Variants in RABEP2 observed in about 807,000 individuals in gnomAD.
RABEP2 encodes the protein rab GTPase-binding effector protein 2.
Under a neutral mutation model 74.1 loss-of-function variants are expected in RABEP2, and 57 were observed. That is an observed-to-expected ratio of 0.77 (90% CI 0.62 to 0.96). The LOEUF (loss-of-function observed/expected upper bound fraction) is 0.96, where lower values mean the gene tolerates loss of function less well. Ranked by LOEUF, RABEP2 falls within the 40% of genes least tolerant of loss-of-function variation. The pLI is 0.00. For missense variants in RABEP2, 692 were observed against 756.3 expected (o/e 0.91, Z 1.00); for synonymous variants, 351 against 344.0 (o/e 1.02, Z -0.23).
chr16:28,905,285 A>T, intron 12 of RABEP2, 112 bp downstream of exon 12: 2 of 802,474 alleles, frequency 2.5e-6, no homozygotes, highest in Non-Finnish European at 4.1e-6. Flanking sequence ...GGACCATGCC[A>T]GCCCCAGGAG....
chr16:28,922,687 T>C (rs1964482483), intron 2 of RABEP2, among the ~76,000 whole-genome samples: 1 of 151,776 alleles, frequency 6.6e-6, no homozygotes, highest in East Asian at 1.9e-4. Context: ...ATCACACCAC[T>C]GTACTCCAGC....
At position 28,905,003 on chromosome 16, in the gene RABEP2, T is replaced by C. The variant is rs1261165270; in HGVS notation, c.1650A>G (p.Gln550=). Residue 550 remains glutamine, a synonymous_variant, in exon 13 of 13, where the codon CAA becomes CAG. Coordinates refer to ENST00000358201, the MANE Select transcript of RABEP2 (RefSeq NM_024816.3). ...GCGCCTCATCCATGATGCTGCGCAC[T>C]TGCTCCAGGGTCTCAGCCTGGCGGA... ...ERIRQAETLE[Q]VRSIMDEAPL... The C allele has an allele frequency of 1.9e-6, 3 of 1,611,750 alleles. No individual in the cohort carries two copies. Among genetic ancestry groups the C allele is most frequent in the East Asian group, 2.2e-5 (1 of 44,880 alleles).
rs1342468784 is a variant in RABEP2, at chr16:28,925,147, G to A, written c.17C>T (p.Pro6Leu). MAAAA[P>L]VAADDDERRR... ...CCGCTCATCGTCGTCCGCGGCCACC[G>A]GCGCAGCTGCCGCCATTGCCTCAGC... Residue 6 changes from proline to leucine, a missense_variant, in exon 1 of 13, where the codon CCG becomes CTG. Pro to Leu is a moderately conservative substitution (Grantham distance 98, BLOSUM62 -3). Transcript: ENST00000358201. The A allele has an allele frequency of 1.3e-6, 2 of 1,532,610 alleles. No homozygotes were observed. Among genetic ancestry groups the A allele is most frequent in the South Asian group, 1.2e-5 (1 of 83,962 alleles). 94.9% of individuals were successfully genotyped at this position (1,532,610 alleles called of 1,614,324 possible). A position where few individuals can be genotyped will look rare whatever the true frequency, so the allele number is the denominator to read the frequency against.
chr16:28,924,727 T>A, intron 1 of RABEP2, 112 bp from the exon 2 acceptor site: 3 of 1,024,580 alleles, frequency 2.9e-6, no homozygotes, highest in Admixed American at 2.0e-5. Context: ...CTCCTTCACC[T>A]GGGCCCGCCC....
At chr16:28,905,621 G>T in intron 11 of RABEP2, 83 bp downstream of exon 11, 1 of 1,028,894 alleles carries the variant, frequency 9.7e-7, no homozygotes, top group Non-Finnish European at 1.4e-6. Flanking sequence ...GCCTGAGGGA[G>T]ACACAGAGGG....
chr16:28,911,392 G>A (rs1407276364), intron 5 of RABEP2, among the ~76,000 whole-genome samples: 4 of 152,160 alleles, frequency 2.6e-5, no homozygotes, highest in Non-Finnish European at 5.9e-5. Context: ...TGGGTGGAGT[G>A]GGGTCACGCC....
In RABEP2 at chr16:28,905,054, C is replaced by A. The variant is rs4072997; in HGVS notation, c.1609-10G>T. ...TCCGCTCTAGGCGCACCTGCCGGAT[C>A]GGACGAGGGGAGCAGAGTGCACTTG... is the stretch of plus-strand genomic sequence containing the variant. On this transcript the variant is annotated splice_polypyrimidine_tract_variant and intron_variant, in intron 12 of 12. Coordinates refer to ENST00000358201, the MANE Select transcript of RABEP2 (RefSeq NM_024816.3). The A allele has an allele frequency of 1.3e-6, 2 of 1,595,936 alleles. No individual in the cohort carries two copies. The highest frequency in any genetic ancestry group is 1.7e-6 in the Non-Finnish European group (2 of 1,174,540).
At chr16:28,918,757 T>G (rs2152222784) in intron 3 of RABEP2, among the ~76,000 whole-genome samples, 1 of 152,028 alleles carries the variant, frequency 6.6e-6, no homozygotes, top group Admixed American at 6.6e-5. Context: ...GCTCAAGTGA[T>G]CCTCCCATGT....
chr16:28,908,769 GGACA>G lies in RABEP2; in HGVS notation c.1090-9_1090-6del, dbSNP rs1964271385. ...GTGGGTGGTGACCAGCTCCGCCTATGGACAGACAGTTAGTATAAGGCAATGAAGA... is the reference window on the plus strand; with the variant it reads ...GTGGGTGGTGACCAGCTCCGCCTATGGACAGTTAGTATAAGGCAATGAAGA... On this transcript the variant is annotated splice_region_variant and splice_polypyrimidine_tract_variant and intron_variant, in intron 7 of 12. Coordinates refer to ENST00000358201, the MANE Select transcript of RABEP2 (RefSeq NM_024816.3). 8.7e-6 allele frequency: 14 copies of G among 1,613,604 alleles called. No individual in the cohort carries two copies. Among genetic ancestry groups the G allele is most frequent in the African/African-American group, 1.3e-5 (1 of 74,908 alleles).
chr16:28,914,497 C>T lies in RABEP2; in HGVS notation c.633G>A (p.Glu211=), dbSNP rs1286073469. Residue 211 remains glutamate, a synonymous_variant, in exon 5 of 13, where the codon GAG becomes GAA. Coordinates refer to ENST00000358201, the MANE Select transcript of RABEP2 (RefSeq NM_024816.3). ...CTGGACCCCCATCTCCGCTCAGCTCCTCCAGAGGCTCCAGCGGGGGCGATG... is the reference window on the plus strand; with the variant it reads ...CTGGACCCCCATCTCCGCTCAGCTCTTCCAGAGGCTCCAGCGGGGGCGATG... ...RDPSPPLEPL[E]ELSGDGGPAA... 1.2e-6 allele frequency: 2 copies of T among 1,613,162 alleles called. No individual in the cohort carries two copies. The highest frequency in any genetic ancestry group is 1.7e-6 in the Non-Finnish European group (2 of 1,179,746).
chr16:28,905,361 A>G (rs765218158), intron 12 of RABEP2, 36 bp downstream of exon 12: 6 of 1,506,418 alleles, frequency 4.0e-6, no homozygotes, highest in Non-Finnish European at 4.6e-6. Flanking sequence ...CCCGGAGTGG[A>G]GCCAGCCAGC....
chr16:28,923,881 G>A (rs1033558943), intron 2 of RABEP2: 1 of 167,004 alleles, frequency 6.0e-6, no homozygotes, highest in African/African-American at 2.4e-5. Flanking sequence ...AGAGGAAGGA[G>A]AGTAGAAAAC....
Position 28,906,114 on chromosome 16 carries a change from C to T in RABEP2, c.1328G>A (p.Arg443Gln), listed in dbSNP as rs775196829. The T allele has an allele frequency of 1.1e-5, 17 of 1,582,290 alleles. No homozygotes were observed. Among genetic ancestry groups the T allele is most frequent in the African/African-American group, 4.0e-5 (3 of 74,128 alleles). The change falls in exon 9 of 13, where the codon CGG becomes CAG. Residue 443 changes from arginine to glutamine, a missense_variant. Physicochemically the swap from Arg to Gln is conservative, Grantham distance 43. Transcript: ENST00000358201. The part of the protein sequence containing the change: ...QAQEHGAERL[R>Q]IEIVTLREAL... ...CTCCCGCAGCGTCACGATCTCGATC[C>T]GCAGGCGCTCGGCCCCGTGCTCCTG...
At chr16:28,915,129 C>T (rs1964372382) in intron 3 of RABEP2, among the ~76,000 whole-genome samples, 1 of 148,510 alleles carries the variant, frequency 6.7e-6, no homozygotes, top group Non-Finnish European at 1.5e-5. Flanking sequence ...GGCACAATCT[C>T]GGCTCGCTGC....
At chr16:28,909,022 TAC>T (rs1010644004) in intron 7 of RABEP2, among the ~76,000 whole-genome samples, 1 of 135,422 alleles carries the variant, frequency 7.4e-6, no homozygotes, top group Non-Finnish European at 1.6e-5. Context: ...TATATATATA[TAC>T]ACATACACAC....
At position 28,921,841 on chromosome 16, in the gene RABEP2, T is replaced by C. The variant is rs1033169343; in HGVS notation, c.275-1898A>G. Among the ~76,000 whole-genome samples, 5 of 151,738 alleles carry C rather than the reference T, an allele frequency of 3.3e-5. No homozygotes were observed. In the East Asian group the frequency reaches 7.8e-4, roughly 24 times the overall value. On this transcript the variant is annotated intron_variant, in intron 2 of 12. Transcript: ENST00000358201. ...TTAACCAGGCATGGTGGTGGGCGCC[T>C]GTAATCCCAGCTACTTGGGAGGCTG...
At chr16:28,915,495 A>T (rs1964379329) in intron 3 of RABEP2, among the ~76,000 whole-genome samples, 1 of 152,118 alleles carries the variant, frequency 6.6e-6, no homozygotes. Flanking sequence ...CTGAGATGGA[A>T]ACAGATAAGC....
In RABEP2 at chr16:28,904,500, C is replaced by G. The variant is rs756835504; in HGVS notation, c.*443G>C. The G allele has an allele frequency of 6.7e-7, 1 of 1,487,914 alleles. No individual in the cohort carries two copies. 92.2% of individuals were successfully genotyped at this position (1,487,914 alleles called of 1,614,324 possible). On this transcript the variant is annotated 3_prime_UTR_variant, in exon 13 of 13. Transcript: ENST00000358201. ...TCTGTGCAAGCTTGGAGGCCTGGGT[C>G]GCCGCTGTGGACAAGCGTCTTAGTG...
At chr16:28,910,028 C>CA (rs779404464) in intron 7 of RABEP2, among the ~76,000 whole-genome samples, 2,781 of 67,978 alleles carry the variant, frequency 0.041, 108 homozygotes, top group East Asian at 0.12. Context: ...GACTCCGTCT[C>CA]AAAAAAAAAA....
Sources: allele counts gnomAD v4.1 joint callset (sites outside exome capture counted in the v4.1 genomes callset), GRCh38; gene constraint gnomAD v4.1.1; transcripts MANE v1.5; gene names NCBI Gene and HGNC (gene_info 2026-07-23, HGNC 2026-07-21).